Variants in CCDC85C observed in about 807,000 individuals in gnomAD.
CCDC85C encodes coiled-coil domain-containing protein 85C.
Under a neutral mutation model 38.3 loss-of-function variants are expected in CCDC85C, and 18 were observed. The ratio of observed to expected loss-of-function variants is 0.47; its 90% CI spans 0.33 to 0.70. The LOEUF (loss-of-function observed/expected upper bound fraction) is 0.70. Among genes scored for constraint, CCDC85C ranks in the 30% least tolerant of loss-of-function variants. The probability of loss-of-function intolerance (pLI) is 0.03; values close to 1 mark genes in which losing one functional copy is unlikely to be tolerated. For synonymous variants in CCDC85C, 264 were observed against 293.8 expected, an observed-to-expected ratio of 0.90 and a Z score of 1.04; for missense variants, 566 against 621.2, an observed-to-expected ratio of 0.91 and a Z score of 0.94.
chr14:99,582,813 C>CA (rs1270140134), intron 1 of CCDC85C, among the ~76,000 whole-genome samples: 1 of 150,304 alleles, frequency 6.7e-6, no homozygotes, highest in East Asian at 1.9e-4. Context: ...GACTCCGTCT[C>CA]AAAAAAAGAA....
At chr14:99,560,378 T>C (rs1237058964) in intron 1 of CCDC85C, among the ~76,000 whole-genome samples, 2 of 152,046 alleles carry the variant, frequency 1.3e-5, no homozygotes, top group Non-Finnish European at 2.9e-5. Flanking sequence ...TGTAAAATGA[T>C]ACAAACCACA....
At position 99,502,586 on chromosome 14, in the gene CCDC85C, C is replaced by T. The variant is rs988646721; in HGVS notation, c.*12660G>A. 2.0e-5 allele frequency: 24 copies of T among 1,205,610 alleles called. No individual in the cohort carries two copies. The highest frequency in any genetic ancestry group is 2.1e-4 in the Middle Eastern group (1 of 4,698). The allele number at this position is 1,205,610 out of a possible 1,614,324, so 74.7% of individuals were successfully genotyped here. On this transcript the variant is annotated 3_prime_UTR_variant, in exon 6 of 6. Transcript: ENST00000380243. ...AAATACACACCAGTGTTGCACACAA[C>T]GAAGATGGGGTGAGTTGTAAATGTG...
chr14:99,531,366 C>T (rs531368747), intron 2 of CCDC85C, among the ~76,000 whole-genome samples: 1 of 152,160 alleles, frequency 6.6e-6, no homozygotes, highest in South Asian at 2.1e-4. Context: ...TTACAGCCGC[C>T]CCCAGCCCAG....
chr14:99,534,845 C>A, intron 2 of CCDC85C: 2 of 625,446 alleles, frequency 3.2e-6, no homozygotes, highest in Non-Finnish European at 2.9e-6. Context: ...GACAGCAAGG[C>A]ATGAAATTAC....
chr14:99,596,224 G>T (rs544384638), intron 1 of CCDC85C, among the ~76,000 whole-genome samples: 1 of 152,320 alleles, frequency 6.6e-6, no homozygotes, highest in East Asian at 1.9e-4. Context: ...TTTTCCAGGG[G>T]CAGAGAGGGG....
rs1352224163 is a variant in CCDC85C at position 99,508,942 on chromosome 14, TGGCC to T, written c.*6300_*6303del. 1 of 152,294 alleles carries T rather than the reference TGGCC, an allele frequency of 6.6e-6. No homozygotes were observed. Among genetic ancestry groups the T allele is most frequent in the African/African-American group, 2.4e-5 (1 of 41,476 alleles). 9.4% of individuals were successfully genotyped at this position (152,294 alleles called of 1,614,324 possible). A position where few individuals can be genotyped will look rare whatever the true frequency, so the allele number is the denominator to read the frequency against. On this transcript the variant is annotated 3_prime_UTR_variant, in exon 6 of 6. Coordinates refer to ENST00000380243, the MANE Select transcript of CCDC85C (RefSeq NM_001144995.2). Reference sequence around the variant, plus strand: ...TCAGCTCCTAGAACCACAGGGCATCTGGCCCTGACCTGGAGCCAAAGCCAGTTAT... The same window carrying T: ...TCAGCTCCTAGAACCACAGGGCATCTCTGACCTGGAGCCAAAGCCAGTTAT...
chr14:99,530,014 T>C (rs1447254730), intron 2 of CCDC85C, among the ~76,000 whole-genome samples: 1 of 152,224 alleles, frequency 6.6e-6, no homozygotes, highest in Non-Finnish European at 1.5e-5. Flanking sequence ...AAGCGACCTG[T>C]TCAGTGCCAC....
In CCDC85C at chr14:99,507,602, A is replaced by G. The variant is rs888271837; in HGVS notation, c.*7644T>C. On this transcript the variant is annotated 3_prime_UTR_variant, in exon 6 of 6. Coordinates refer to ENST00000380243, the MANE Select transcript of CCDC85C (RefSeq NM_001144995.2). ...TGACCAGGTATTTTGAGAATGTTGTAAATTGTTAAGTATATCTGAATATTT... is the reference window on the plus strand; with the variant it reads ...TGACCAGGTATTTTGAGAATGTTGTGAATTGTTAAGTATATCTGAATATTT... 4 of 163,152 alleles carry G rather than the reference A, an allele frequency of 2.5e-5. No individual in the cohort carries two copies. The highest frequency in any genetic ancestry group is 4.8e-5 in the African/African-American group (2 of 41,690). 10.1% of individuals were successfully genotyped at this position (163,152 alleles called of 1,614,324 possible).
At position 99,540,159 on chromosome 14, in the gene CCDC85C, G is replaced by A. The variant is rs535067777; in HGVS notation, c.794-4071C>T. Among the ~76,000 whole-genome samples, 114 of 152,006 alleles carry A rather than the reference G, an allele frequency of 7.5e-4. 1 individual carries two copies. The highest frequency in any genetic ancestry group is 2.7e-3 in the African/African-American group (111 of 41,380). On this transcript the variant is annotated intron_variant, in intron 1 of 5. Transcript: ENST00000380243. Reference sequence around the variant, plus strand: ...GAGACTGTCTTTAAAAAAAAAGGGGGGGGAACGGATTAAACTCTTGCACCT... The same window carrying A: ...GAGACTGTCTTTAAAAAAAAAGGGGAGGGAACGGATTAAACTCTTGCACCT...
chr14:99,534,903 A>G (rs1336831199), intron 2 of CCDC85C: 2 of 565,288 alleles, frequency 3.5e-6, no homozygotes, highest in Non-Finnish European at 6.3e-6. Context: ...TTGCGCCTGT[A>G]TGGTGGTGGG....
chr14:99,590,499 C>A lies in CCDC85C; in HGVS notation c.793+12668G>T, dbSNP rs991834554. 2.2e-4 allele frequency among the ~76,000 whole-genome samples: 33 copies of A among 152,330 alleles called. 1 individual carries two copies. Among genetic ancestry groups the A allele is most frequent in the African/African-American group, 7.5e-4 (31 of 41,574 alleles). On this transcript the variant is annotated intron_variant, in intron 1 of 5. Coordinates refer to ENST00000380243, the MANE Select transcript of CCDC85C (RefSeq NM_001144995.2). ...CGGGGGCCTCCAGGGCCATTGACAG[C>A]AGAGACCCCCTTGCCTGCCACAGCT...
At chr14:99,524,792 C>T (rs4905845) in intron 2 of CCDC85C, among the ~76,000 whole-genome samples, 149,292 of 152,284 alleles carry the variant, frequency 0.98, 73,242 homozygotes, top group East Asian at 1. Flanking sequence ...AGAGAAGAGC[C>T]CCAGCTAAGG....
At position 99,502,305 on chromosome 14, in the gene CCDC85C, G is replaced by C; in HGVS notation, c.*12941C>G. On this transcript the variant is annotated 3_prime_UTR_variant, in exon 6 of 6. Transcript: ENST00000380243. ...TTGTGCAAATTTGAAATACAAGAAT[G>C]GACCTCCAAACCCATGTATAGGAGA... 1 of 1,613,166 alleles carries C rather than the reference G, an allele frequency of 6.2e-7. No homozygotes were observed. The highest frequency in any genetic ancestry group is 8.5e-7 in the Non-Finnish European group (1 of 1,179,664).
At chr14:99,550,266 T>C (rs1897882847) in intron 1 of CCDC85C, among the ~76,000 whole-genome samples, 1 of 152,182 alleles carries the variant, frequency 6.6e-6, no homozygotes, top group Admixed American at 6.5e-5. Flanking sequence ...GGGCCCAATC[T>C]AACTGCATGA....
At chr14:99,593,053 A>G (rs2055104752) in intron 1 of CCDC85C, among the ~76,000 whole-genome samples, 1 of 152,206 alleles carries the variant, frequency 6.6e-6, no homozygotes, top group East Asian at 1.9e-4. Flanking sequence ...GAGCCTTGGC[A>G]TGGGCAGTGT....
At chr14:99,597,640 A>G (rs1262487608) in intron 1 of CCDC85C, among the ~76,000 whole-genome samples, 1 of 152,116 alleles carries the variant, frequency 6.6e-6, no homozygotes, top group African/African-American at 2.4e-5. Flanking sequence ...CCACAGCACT[A>G]ACCCCCCTAA....
chr14:99,511,911 C>G lies in CCDC85C; in HGVS notation c.*3335G>C, dbSNP rs943004719. On this transcript the variant is annotated 3_prime_UTR_variant, in exon 6 of 6. Transcript: ENST00000380243. The stretch of plus-strand genomic sequence containing the variant: ...CCTCACTGTCCACCTTGAGGGGCCA[C>G]GGCTCTGTCTGTGGAAGGGGCCCCG... The G allele has an allele frequency of 6.6e-6, 1 of 152,358 alleles. No individual in the cohort carries two copies. Among genetic ancestry groups the G allele is most frequent in the Non-Finnish European group, 1.5e-5 (1 of 68,038 alleles). 9.4% of individuals were successfully genotyped at this position (152,358 alleles called of 1,614,324 possible).
intron 1 of CCDC85C, among the ~76,000 whole-genome samples, chr14:99,573,489 C>A (rs114739595): frequency 1.3e-5 from 2 of 152,192 alleles, no homozygotes; most frequent in African/African-American, 4.8e-5. Context: ...CTTTGAGGTC[C>A]GGCGCTCCTC....
At chr14:99,542,593 C>T (rs1157964098) in intron 1 of CCDC85C, among the ~76,000 whole-genome samples, 6 of 152,150 alleles carry the variant, frequency 3.9e-5, no homozygotes, top group Admixed American at 2.6e-4. Context: ...CTAGAGGCTC[C>T]GGGTAGCAGC....
Sources: gnomAD v4.1 joint callset for allele counts (sites outside exome capture counted in the v4.1 genomes callset) on GRCh38, gnomAD v4.1.1 for gene constraint, MANE v1.5 for transcripts, NCBI Gene and HGNC (gene_info 2026-07-23, HGNC 2026-07-21) for gene names.